The following SUSD1 variants were observed in gnomAD, a reference collection of about 807,000 sequenced individuals.
SUSD1 encodes sushi domain containing 1.
Under a neutral mutation model 86.9 loss-of-function variants are expected in SUSD1, and 65 were observed. That is an observed-to-expected ratio of 0.75 (90% CI 0.61 to 0.92). SUSD1 has a LOEUF of 0.92. Ranked by LOEUF, SUSD1 falls within the 40% of genes least tolerant of loss-of-function variation. The pLI, the probability that SUSD1 is intolerant of heterozygous loss-of-function variation, is 0.00. For synonymous variants in SUSD1, 346 were observed against 350.0 expected, an observed-to-expected ratio of 0.99 and a Z score of 0.13; for missense variants, 850 against 929.7, an observed-to-expected ratio of 0.91 and a Z score of 1.11.
At chr9:112,059,745 G>A (rs1406320474) in intron 13 of SUSD1, among the ~76,000 whole-genome samples, 1 of 152,178 alleles carries the variant, frequency 6.6e-6, no homozygotes, top group Non-Finnish European at 1.5e-5. Flanking sequence ...GGCAGTGAAA[G>A]GACGTGTGAG....
intron 3 of SUSD1, among the ~76,000 whole-genome samples, chr9:112,145,277 CCTTTTTT>C (rs1832761287): frequency 8.0e-6 from 1 of 125,210 alleles, no homozygotes. Context: ...ACCATAATTT[CCTTTTTT>C]TTTTTTTTTT....
intron 15 of SUSD1, among the ~76,000 whole-genome samples, chr9:112,045,045 A>C (rs149330370): frequency 4.4e-4 from 67 of 152,386 alleles, no homozygotes; most frequent in African/African-American, 1.5e-3. Context: ...TCTTACAAGT[A>C]ATAAAAATGC....
intron 8 of SUSD1, among the ~76,000 whole-genome samples, chr9:112,108,651 G>A (rs1167632303): frequency 4.0e-5 from 6 of 149,866 alleles, no homozygotes; most frequent in African/African-American, 1.0e-4. Context: ...AGTGGTGCAC[G>A]CCTGTAGTCC....
intron 1 of SUSD1, among the ~76,000 whole-genome samples, chr9:112,159,241 C>T (rs966957632): frequency 3.3e-5 from 5 of 152,228 alleles, no homozygotes; most frequent in Admixed American, 2.6e-4. Context: ...ATTTCAGGAG[C>T]GACCTAGTAA....
At chr9:112,138,009 G>C (rs1021155148) in intron 5 of SUSD1, 1 of 151,354 alleles carries the variant, frequency 6.6e-6, no homozygotes, top group Non-Finnish European at 1.5e-5. Context: ...GATCACCTGA[G>C]GTCAGGAGTT....
intron 6 of SUSD1, among the ~76,000 whole-genome samples, chr9:112,118,283 T>C (rs1404459985): frequency 6.6e-6 from 1 of 152,188 alleles, no homozygotes; most frequent in Non-Finnish European, 1.5e-5. Context: ...ATGATGATAA[T>C]GGCAGCACCA....
intron 15 of SUSD1, among the ~76,000 whole-genome samples, chr9:112,047,822 AT>A (rs144018497): frequency 0.013 from 1,967 of 152,240 alleles, 43 homozygotes; most frequent in African/African-American, 0.045. Context: ...TCTGGTGAGC[AT>A]GTAGCCCTCA....
At chr9:112,094,876 T>C (rs1312678519) in intron 10 of SUSD1, among the ~76,000 whole-genome samples, 2 of 152,226 alleles carry the variant, frequency 1.3e-5, no homozygotes, top group Non-Finnish European at 1.5e-5. Flanking sequence ...CATCAGTGAA[T>C]GATCAGTGTA....
chr9:112,107,034 G>A (rs1008596857), intron 8 of SUSD1, among the ~76,000 whole-genome samples: 14 of 151,916 alleles, frequency 9.2e-5, no homozygotes, highest in Non-Finnish European at 2.9e-5. Flanking sequence ...AGAGGCTGAC[G>A]CAGGAGGATC....
At chr9:112,117,746 C>T (rs942457521) in intron 6 of SUSD1, among the ~76,000 whole-genome samples, 2 of 152,018 alleles carry the variant, frequency 1.3e-5, no homozygotes, top group Non-Finnish European at 2.9e-5. Context: ...TAGCACAGTG[C>T]CTTAAATATA....
At chr9:112,080,278 A>G (rs539603383) in intron 10 of SUSD1, 113 bp from the exon 11 acceptor site, 3 of 686,702 alleles carry the variant, frequency 4.4e-6, no homozygotes, top group Non-Finnish European at 7.7e-6. Context: ...CAGTATTTTA[A>G]TTTAGAAATT....
At chr9:112,073,405 G>A (rs1165505287) in intron 12 of SUSD1, among the ~76,000 whole-genome samples, 1 of 152,044 alleles carries the variant, frequency 6.6e-6, no homozygotes, top group African/African-American at 2.4e-5. Context: ...ACCATGTTGT[G>A]TAAGACAAGT....
intron 3 of SUSD1, among the ~76,000 whole-genome samples, chr9:112,148,194 C>G (rs1057186542): frequency 8.5e-5 from 13 of 152,178 alleles, no homozygotes; most frequent in Non-Finnish European, 1.6e-4. Flanking sequence ...ATCTTAGAAC[C>G]AGGAGGCTTT....
intron 1 of SUSD1, among the ~76,000 whole-genome samples, chr9:112,173,126 C>T (rs373246561): frequency 6.6e-6 from 1 of 152,060 alleles, no homozygotes; most frequent in South Asian, 2.1e-4. Context: ...GAAATAGACG[C>T]CAAGCATCTG....
intron 3 of SUSD1, among the ~76,000 whole-genome samples, chr9:112,145,701 C>T (rs1320531364): frequency 6.6e-6 from 1 of 152,126 alleles, no homozygotes; most frequent in African/African-American, 2.4e-5. Flanking sequence ...TCAATGAACG[C>T]CTCTCCACTC....
chr9:112,135,891 A>G (rs548116715), intron 5 of SUSD1, among the ~76,000 whole-genome samples: 26 of 152,340 alleles, frequency 1.7e-4, no homozygotes, highest in Admixed American at 5.2e-4. Context: ...TCCCTTCCAC[A>G]AAAGGAAACT....
chr9:112,068,183 A>T (rs1480886255), intron 12 of SUSD1, among the ~76,000 whole-genome samples: 1 of 152,138 alleles, frequency 6.6e-6, no homozygotes, highest in Non-Finnish European at 1.5e-5. Context: ...TATACAGAGC[A>T]CTGTGGATGT....
At chr9:112,125,610 CTGATTTG>C (rs1831742649) in intron 5 of SUSD1, among the ~76,000 whole-genome samples, 1 of 152,122 alleles carries the variant, frequency 6.6e-6, no homozygotes, top group Non-Finnish European at 1.5e-5. Context: ...GGCATTCATT[CTGATTTG>C]TGATTTTCTC....
At chr9:112,148,414 C>A (rs530869872) in intron 3 of SUSD1, among the ~76,000 whole-genome samples, 4 of 152,140 alleles carry the variant, frequency 2.6e-5, no homozygotes, top group African/African-American at 4.8e-5. Context: ...CCTCACTCAG[C>A]GCACACATGT....
Sources: gnomAD v4.1 joint callset for allele counts (sites outside exome capture counted in the v4.1 genomes callset) on GRCh38, gnomAD v4.1.1 for gene constraint, MANE v1.5 for transcripts, NCBI Gene and HGNC (gene_info 2026-07-23, HGNC 2026-07-21) for gene names.